Variants in ARFGEF3 observed in about 807,000 individuals in gnomAD.
ARFGEF3 encodes ARFGEF family member 3, also known as brefeldin A-inhibited guanine nucleotide-exchange protein 3.
A neutral mutation model predicts 221.7 loss-of-function variants in ARFGEF3; 96 were observed. That is an observed-to-expected ratio of 0.43 (90% CI 0.37 to 0.51). ARFGEF3 has a LOEUF of 0.51. Among genes scored for constraint, ARFGEF3 ranks in the 20% least tolerant of loss-of-function variants. The probability of loss-of-function intolerance (pLI) is 0.00; values close to 1 mark genes in which losing one functional copy is unlikely to be tolerated. For missense variants in ARFGEF3, 2,410 were observed against 2,789.9 expected (o/e 0.86, Z 3.07); for synonymous variants, 1,145 against 1,126.8 (o/e 1.02, Z -0.32).
chr6:138,225,576 T>C (rs1778069608), intron 4 of ARFGEF3, among the ~76,000 whole-genome samples: 1 of 152,368 alleles, frequency 6.6e-6, no homozygotes, highest in African/African-American at 2.4e-5. Context: ...CGAGTTTTTT[T>C]GATGTCAAAG....
intron 8 of ARFGEF3, among the ~76,000 whole-genome samples, chr6:138,245,899 G>C (rs1474072451): frequency 6.6e-6 from 1 of 152,108 alleles, no homozygotes. Flanking sequence ...AGTGCTGGTT[G>C]GTATGAGAGC....
chr6:138,261,155 C>T (rs1418045907), intron 10 of ARFGEF3, among the ~76,000 whole-genome samples: 1 of 152,186 alleles, frequency 6.6e-6, no homozygotes, highest in African/African-American at 2.4e-5. Flanking sequence ...GTTTATGAAG[C>T]TAGCCGACTT....
rs1055207326 is a variant in ARFGEF3, at chr6:138,334,246, C to T, written c.5400C>T (p.Ile1800=). The stretch of plus-strand genomic sequence containing the variant: ...GCCTGCTGAAGAAAGTGTCTGGCAT[C>T]GGGGGCGCCGCCAACCTCTACCGCC... ...LKCLLKKVSG[I]GGAANLYRQS... is the part of the protein sequence containing the mutation. Residue 1800 remains isoleucine, a synonymous_variant, in exon 33 of 34, where the codon ATC becomes ATT. Transcript: ENST00000251691. The surrounding 1 kb of genome is among the most constrained non-coding windows in gnomAD (Gnocchi z 5.1). 1.9e-6 allele frequency: 3 copies of T among 1,613,542 alleles called. No homozygotes were observed. Among genetic ancestry groups the T allele is most frequent in the Admixed American group, 1.7e-5 (1 of 59,986 alleles).
intron 22 of ARFGEF3, among the ~76,000 whole-genome samples, chr6:138,301,556 A>G (rs1219590550): frequency 6.6e-6 from 1 of 152,204 alleles, no homozygotes; most frequent in Admixed American, 6.5e-5. Flanking sequence ...TTGCTTGCCT[A>G]AAGTTTGTAG....
At chr6:138,312,355 C>A (rs747184033) in intron 25 of ARFGEF3, among the ~76,000 whole-genome samples, 2 of 152,036 alleles carry the variant, frequency 1.3e-5, no homozygotes, top group Non-Finnish European at 2.9e-5. Flanking sequence ...CTTTGGGGAT[C>A]TATGTACAAC....
chr6:138,176,209 T>C (rs1330770572), intron 2 of ARFGEF3, among the ~76,000 whole-genome samples: 1 of 141,766 alleles, frequency 7.1e-6, no homozygotes, highest in African/African-American at 2.6e-5. Flanking sequence ...TTAGACGGAG[T>C]CTTGCTGTGT....
chr6:138,238,934 CACTA>C (rs1318899062), intron 6 of ARFGEF3, among the ~76,000 whole-genome samples: 2 of 152,132 alleles, frequency 1.3e-5, no homozygotes, highest in Non-Finnish European at 2.9e-5. Context: ...CATTGCGATA[CACTA>C]ACAAATATTG....
At position 138,261,532 on chromosome 6, in the gene ARFGEF3, T is replaced by A; in HGVS notation, c.1110T>A (p.Leu370=). The change falls in exon 11 of 34, where the codon CTT becomes CTA. Residue 370 remains leucine, a synonymous_variant. Transcript: ENST00000251691. ...VEAIKIMKEI[L]GSPQRLCDLA... is the part of the protein sequence containing the mutation. ...CTTTTACCTTTTTCTTTAAGATACT[T>A]GGGAGCCCACAGCGTCTCTGTGACT... The A allele has an allele frequency of 6.4e-7, 1 of 1,558,884 alleles. No individual in the cohort carries two copies. Among genetic ancestry groups the A allele is most frequent in the Non-Finnish European group, 8.7e-7 (1 of 1,150,258 alleles).
At chr6:138,224,993 A>G (rs1202443404) in intron 4 of ARFGEF3, among the ~76,000 whole-genome samples, 1 of 152,154 alleles carries the variant, frequency 6.6e-6, no homozygotes, top group East Asian at 1.9e-4. Flanking sequence ...GTTGACTAGG[A>G]CAGTAGGGGT....
At chr6:138,296,450 G>A (rs944527627) in intron 20 of ARFGEF3, among the ~76,000 whole-genome samples, 3 of 152,174 alleles carry the variant, frequency 2.0e-5, no homozygotes, top group Admixed American at 6.5e-5. Context: ...TCATTAAAGA[G>A]GAAAATCTTT....
rs556643571 is a variant in ARFGEF3, at chr6:138,263,578, G to A, written c.2095G>A (p.Ala699Thr). Residue 699 changes from alanine (A) to threonine (T), a missense_variant, in exon 12 of 34, where the codon GCT becomes ACT. Coordinates refer to ENST00000251691, the MANE Select transcript of ARFGEF3 (RefSeq NM_020340.5). ...CTCCAATGTAGAGGAGGTGGACACCGCTCTGCAGAACTTTGCCTCTACTTT... is the reference window on the plus strand; with the variant it reads ...CTCCAATGTAGAGGAGGTGGACACCACTCTGCAGAACTTTGCCTCTACTTT... ...SLSNVEEVDT[A>T]LQNFASTFCS... 27 of 1,608,394 alleles carry A rather than the reference G, an allele frequency of 1.7e-5. No individual in the cohort carries two copies. Among genetic ancestry groups the A allele is most frequent in the Middle Eastern group, 1.7e-4 (1 of 6,050 alleles).
chr6:138,237,967 G>A (rs1204565805), intron 5 of ARFGEF3, among the ~76,000 whole-genome samples: 1 of 152,218 alleles, frequency 6.6e-6, no homozygotes, highest in Non-Finnish European at 1.5e-5. Context: ...CAGATGTAGT[G>A]TAGGAATTTG....
At chr6:138,278,371 T>A in intron 12 of ARFGEF3, 80 bp from the exon 13 acceptor site, 1 of 1,287,538 alleles carries the variant, frequency 7.8e-7, no homozygotes, top group East Asian at 2.3e-5. Flanking sequence ...TCTCTCACGA[T>A]GGGTTCGCAG....
intron 14 of ARFGEF3, among the ~76,000 whole-genome samples, chr6:138,284,204 C>T (rs1334999411): frequency 6.6e-6 from 1 of 152,112 alleles, no homozygotes; most frequent in Non-Finnish European, 1.5e-5. Context: ...ATCCAGGAGG[C>T]TGAGGTATGA....
chr6:138,314,669 GT>G (rs1182379069), intron 26 of ARFGEF3, among the ~76,000 whole-genome samples: 5 of 152,242 alleles, frequency 3.3e-5, no homozygotes, highest in African/African-American at 1.2e-4. Context: ...AGACATTCAC[GT>G]TCTAAAGGGG....
intron 4 of ARFGEF3, 95 bp downstream of exon 4, chr6:138,210,136 C>A: frequency 8.3e-7 from 1 of 1,202,466 alleles, no homozygotes; most frequent in South Asian, 1.6e-5. Flanking sequence ...GCGTTGTGGT[C>A]ATGCTAGCTC....
At chr6:138,296,500 G>T (rs549849788) in intron 20 of ARFGEF3, among the ~76,000 whole-genome samples, 1 of 152,116 alleles carries the variant, frequency 6.6e-6, no homozygotes, top group Non-Finnish European at 1.5e-5. Context: ...GCCAGGATTC[G>T]AATCCAGACG....
intron 14 of ARFGEF3, among the ~76,000 whole-genome samples, chr6:138,281,506 G>A (rs779643376): frequency 2.1e-4 from 32 of 152,196 alleles, no homozygotes; most frequent in African/African-American, 7.5e-4. Context: ...TGTTGTTACC[G>A]TCTGGACGTC....
chr6:138,205,699 A>C (rs936456762), intron 2 of ARFGEF3, among the ~76,000 whole-genome samples: 20 of 152,246 alleles, frequency 1.3e-4, no homozygotes, highest in African/African-American at 4.8e-4. Context: ...CCATCTGTCA[A>C]AGGATGAATC....
Sources: allele counts gnomAD v4.1 joint callset (sites outside exome capture counted in the v4.1 genomes callset), GRCh38; gene constraint gnomAD v4.1.1; non-coding constraint Gnocchi (gnomAD v3.1); transcripts MANE v1.5; gene names NCBI Gene and HGNC (gene_info 2026-07-23, HGNC 2026-07-21).